The following PHOX2B variants were observed in gnomAD, a reference collection of about 807,000 sequenced individuals.
The protein encoded by PHOX2B is paired mesoderm homeobox protein 2B.
Under a neutral mutation model 15.5 loss-of-function variants are expected in PHOX2B, and 1 was observed. That is an observed-to-expected ratio of 0.06 (90% CI 0.02 to 0.31). The LOEUF (loss-of-function observed/expected upper bound fraction) is 0.31, where lower values mean the gene tolerates loss of function less well. Among genes scored for constraint, PHOX2B ranks in the 10% least tolerant of loss-of-function variants. The probability of loss-of-function intolerance (pLI) is 1.00; values close to 1 mark genes in which losing one functional copy is unlikely to be tolerated. For missense variants in PHOX2B, 314 were observed against 436.4 expected, an observed-to-expected ratio of 0.72 and a Z score of 2.50; for synonymous variants, 206 against 190.5, an observed-to-expected ratio of 1.08 and a Z score of -0.67.
chr4:41,747,295 C>T (rs541256864), intron 2 of PHOX2B, 54 bp downstream of exon 2: 7 of 1,483,918 alleles, frequency 4.7e-6, no homozygotes, highest in East Asian at 4.5e-5. Flanking sequence ...CCCCTCACCC[C>T]ACACCTCCCC....
At chr4:41,747,658 G>C (rs770950064) in intron 1 of PHOX2B, 122 bp from the exon 2 acceptor site, 1 of 789,662 alleles carries the variant, frequency 1.3e-6, no homozygotes, top group Admixed American at 1.9e-5. Flanking sequence ...ACCCGCGCGA[G>C]AGAGTTGCCG....
In PHOX2B at chr4:41,745,037, A is replaced by C; in HGVS notation, c.*770T>G. 1 of 233,040 alleles carries C rather than the reference A, an allele frequency of 4.3e-6. No homozygotes were observed. The highest frequency in any genetic ancestry group is 6.0e-5 in the East Asian group (1 of 16,568). The allele number at this position is 233,040 out of a possible 1,614,324, so 14.4% of individuals were successfully genotyped here. On this transcript the variant is annotated 3_prime_UTR_variant, in exon 3 of 3. Transcript: ENST00000226382. The surrounding 1 kb of genome is among the most constrained non-coding windows in gnomAD (Gnocchi z 4.0). ...GTGGGACAGGCAAGGGGGTGCGAGA[A>C]AGTCACTCCGGCCGCCGGGACAGTC... is the stretch of plus-strand genomic sequence containing the variant.
chr4:41,748,156 T>G, intron 1 of PHOX2B: 1 of 598,160 alleles, frequency 1.7e-6, no homozygotes, highest in Non-Finnish European at 2.9e-6. Context: ...TTAAGATAAT[T>G]TTGTTGGCGG....
Position 41,746,073 on chromosome 4 carries a change from C to A in PHOX2B, c.679G>T (p.Ala227Ser), listed in dbSNP as rs778799670. ...GPSPAGAPGA[A>S]GPGGPGGEPG... ...TCGCCTCCCGGGCCCCCGGGCCCCG[C>A]CGCCCCCGGAGCTCCAGCCGGGCTG... is the stretch of plus-strand genomic sequence containing the variant. The change falls in exon 3 of 3, where the codon GCG becomes TCG. Residue 227 changes from alanine (A) to serine (S), a missense_variant. Physicochemically the swap from Ala to Ser is moderately conservative, Grantham distance 99 (BLOSUM62 1). This residue lies in a region of PHOX2B where 157 missense variants were observed against 169.0 expected (regional missense o/e 0.93). Coordinates refer to ENST00000226382, the MANE Select transcript of PHOX2B (RefSeq NM_003924.4). 8 of 1,441,228 alleles carry A rather than the reference C, an allele frequency of 5.6e-6. No homozygotes were observed. Among genetic ancestry groups the A allele is most frequent in the Middle Eastern group, 5.0e-4 (2 of 3,984 alleles). The allele number at this position is 1,441,228 out of a possible 1,614,324, so 89.3% of individuals were successfully genotyped here. A position where few individuals can be genotyped will look rare whatever the true frequency, so the allele number is the denominator to read the frequency against.
chr4:41,746,135 G>A lies in PHOX2B; in HGVS notation c.617C>T (p.Pro206Leu), dbSNP rs587778606. The A allele has an allele frequency of 1.1e-5, 18 of 1,604,336 alleles. No individual in the cohort carries two copies. The highest frequency in any genetic ancestry group is 1.3e-5 in the Non-Finnish European group (15 of 1,177,132). The change falls in exon 3 of 3, where the codon CCC becomes CTC. Residue 206 changes from proline (P) to leucine (L), a missense_variant. Pro to Leu is a moderately conservative substitution (Grantham distance 98). This residue lies in a region of PHOX2B where 157 missense variants were observed against 169.0 expected (regional missense o/e 0.93). Coordinates refer to ENST00000226382, the MANE Select transcript of PHOX2B (RefSeq NM_003924.4). ...GCCGCCTCCATTCGCCCCGCAGCTG[G>A]GGGTGGGGTTGGGATTGGGACCTGG... The part of the protein sequence containing the change: ...GGPGPNPNPT[P>L]SCGANGGGGG...
intron 1 of PHOX2B, 148 bp downstream of exon 1, chr4:41,748,222 C>A (rs1382177733): frequency 1.2e-6 from 1 of 846,724 alleles, no homozygotes; most frequent in Non-Finnish European, 1.8e-6. Flanking sequence ...TCCCTGCAAT[C>A]GCTTCTAACG....
At chr4:41,748,014 G>T (rs1733968985) in intron 1 of PHOX2B, among the ~76,000 whole-genome samples, 1 of 152,118 alleles carries the variant, frequency 6.6e-6, no homozygotes, top group Non-Finnish European at 1.5e-5. Flanking sequence ...CAGCCAAAGA[G>T]GTGTGAGCCG....
chr4:41,748,005 A>G (rs1454046925), intron 1 of PHOX2B, among the ~76,000 whole-genome samples: 2 of 152,196 alleles, frequency 1.3e-5, no homozygotes, highest in East Asian at 3.9e-4. Flanking sequence ...AAAAATGACC[A>G]GCCAAAGAGG....
At chr4:41,746,398 G>T in intron 2 of PHOX2B, 76 bp from the exon 3 acceptor site, 1 of 1,457,708 alleles carries the variant, frequency 6.9e-7, no homozygotes, top group Non-Finnish European at 9.4e-7. Flanking sequence ...ACCGGTTAGG[G>T]TGGCCCAAGT....
At chr4:41,747,300 C>T (rs1486568755) in intron 2 of PHOX2B, 49 bp downstream of exon 2, 8 of 1,512,786 alleles carry the variant, frequency 5.3e-6, no homozygotes, top group Non-Finnish European at 7.3e-6. Context: ...CACCCCACAC[C>T]TCCCCGGACC....
chr4:41,747,517 C>G lies in PHOX2B; in HGVS notation c.261G>C (p.Thr87=), dbSNP rs996060917. 1 of 1,608,418 alleles carries G rather than the reference C, an allele frequency of 6.2e-7. No homozygotes were observed. Among genetic ancestry groups the G allele is most frequent in the Non-Finnish European group, 8.5e-7 (1 of 1,179,922 alleles). The stretch of plus-strand genomic sequence containing the variant: ...GCTTCTCGTTGAGGCCGCCGTGGTC[C>G]GTGAAGAGTTTGTAAGGAACTAGAG... ...PYAAVPYKLF[T]DHGGLNEKRK... Residue 87 remains threonine (T), a synonymous_variant, in exon 2 of 3, where the codon ACG becomes ACC. Transcript: ENST00000226382.
At chr4:41,748,276 T>C in intron 1 of PHOX2B, 94 bp downstream of exon 1, 1 of 1,435,632 alleles carries the variant, frequency 7.0e-7, no homozygotes, top group Non-Finnish European at 9.8e-7. Context: ...GTTTGGTAAA[T>C]ACTAAACACA....
At position 41,744,931 on chromosome 4, in the gene PHOX2B, G is replaced by T. The variant is rs867542314; in HGVS notation, c.*876C>A. On this transcript the variant is annotated 3_prime_UTR_variant, in exon 3 of 3. Coordinates refer to ENST00000226382, the MANE Select transcript of PHOX2B (RefSeq NM_003924.4). ...CATGGATAGGGCATCTTTCAGGGCC[G>T]AACGGCTGCAAAGATTCGGGGTTGG... 4.3e-6 allele frequency: 1 copy of T among 233,364 alleles called. No homozygotes were observed. The highest frequency in any genetic ancestry group is 2.2e-5 in the African/African-American group (1 of 45,478). The allele number at this position is 233,364 out of a possible 1,614,324, so 14.5% of individuals were successfully genotyped here.
rs758533453 is a variant in PHOX2B at position 41,746,008 on chromosome 4, C to G, written c.744G>C (p.Ala248=). The stretch of plus-strand genomic sequence containing the variant: ...CTGCCGCTGCCGCCGCCGCCGCTGC[C>G]GCGGCCGCCGCCGCTGCTGCTGCGC... ...KGGAAAAAAA[A]AAAAAAAAAA... Residue 248 remains alanine, a synonymous_variant, in exon 3 of 3, where the codon GCG becomes GCC. Transcript: ENST00000226382. The G allele has an allele frequency of 3.3e-5, 37 of 1,120,982 alleles. No individual in the cohort carries two copies. The highest frequency in any genetic ancestry group is 1.0e-4 in the African/African-American group (6 of 59,670). 69.4% of individuals were successfully genotyped at this position (1,120,982 alleles called of 1,614,324 possible). A position where few individuals can be genotyped will look rare whatever the true frequency, so the allele number is the denominator to read the frequency against.
Position 41,745,569 on chromosome 4 carries a change from C to G in PHOX2B, c.*238G>C. ...CCCGCTGCGAGGCCCCAGGCAGGTG[C>G]GAAGCCAGGGAAGTTTGTTTGTTTT... On this transcript the variant is annotated 3_prime_UTR_variant, in exon 3 of 3. Transcript: ENST00000226382. The surrounding 1 kb of genome is among the most constrained non-coding windows in gnomAD (Gnocchi z 4.0). 4.0e-6 allele frequency: 2 copies of G among 496,372 alleles called. No individual in the cohort carries two copies. Among genetic ancestry groups the G allele is most frequent in the Non-Finnish European group, 3.5e-6 (1 of 286,074 alleles). The allele number at this position is 496,372 out of a possible 1,614,324, so 30.7% of individuals were successfully genotyped here.
chr4:41,748,582 T>C lies in PHOX2B; in HGVS notation c.29A>G (p.Asn10Ser), dbSNP rs1255325771. Residue 10 changes from asparagine (N) to serine (S), a missense_variant, in exon 1 of 3, where the codon AAT (asparagine) becomes AGT (serine). Physicochemically the swap from Asn to Ser is conservative, Grantham distance 46. Transcript: ENST00000226382. MYKMEYSYL[N>S]SSAYESCMAG... ...CATACAGGACTCGTAGGCAGAGGAA[T>C]TGAGGTAAGAATATTCCATTTTATA... 5 of 1,613,240 alleles carry C rather than the reference T, an allele frequency of 3.1e-6. No homozygotes were observed. In the African/African-American group the frequency reaches 4.0e-5, roughly 13 times the overall value.
intron 2 of PHOX2B, among the ~76,000 whole-genome samples, 180 bp from the exon 3 acceptor site, chr4:41,746,502 A>G (rs1341343396): frequency 6.6e-6 from 1 of 152,054 alleles, no homozygotes; most frequent in Non-Finnish European, 1.5e-5. Context: ...ATTGCTGTGC[A>G]TTTTCGGAGA....
intron 2 of PHOX2B, 59 bp from the exon 3 acceptor site, chr4:41,746,381 G>A (rs2153112829): frequency 6.4e-7 from 1 of 1,563,580 alleles, no homozygotes; most frequent in South Asian, 1.1e-5. Flanking sequence ...AAATGGGAAA[G>A]AAAAGCACCG....
In PHOX2B at chr4:41,745,623, TG is replaced by T; in HGVS notation, c.*183del. ...TGGGGGTTGAGGAAGGGGGTAGGAG[TG>T]GGGTTGAAATGAGGGCGACGCCGTT... On this transcript the variant is annotated 3_prime_UTR_variant, in exon 3 of 3. Coordinates refer to ENST00000226382, the MANE Select transcript of PHOX2B (RefSeq NM_003924.4). This position sits in a 1 kb window ranked among gnomAD's most constrained non-coding sequence, Gnocchi z 4.0. 1 of 659,810 alleles carries T rather than the reference TG, an allele frequency of 1.5e-6. No homozygotes were observed. Among genetic ancestry groups the T allele is most frequent in the South Asian group, 2.1e-5 (1 of 47,360 alleles). The allele number at this position is 659,810 out of a possible 1,614,324, so 40.9% of individuals were successfully genotyped here. A position where few individuals can be genotyped will look rare whatever the true frequency, so the allele number is the denominator to read the frequency against.
Sources: allele counts gnomAD v4.1 joint callset (sites outside exome capture counted in the v4.1 genomes callset), GRCh38; gene constraint gnomAD v4.1.1; regional missense constraint gnomAD v4.1.1; non-coding constraint Gnocchi (gnomAD v3.1); transcripts MANE v1.5; gene names NCBI Gene and HGNC (gene_info 2026-07-23, HGNC 2026-07-21).